Variants in MARCHF8 observed in about 807,000 individuals in gnomAD.
MARCHF8 encodes E3 ubiquitin-protein ligase MARCHF8.
In MARCHF8, 40 loss-of-function variants were observed where a neutral mutation model predicts 51.6. The observed-to-expected ratio is 0.77, with a 90% CI of 0.60 to 1.01. The LOEUF is 1.01. Among genes scored for constraint, MARCHF8 ranks in the 50% least tolerant of loss-of-function variants. The probability of loss-of-function intolerance (pLI) is 0.00; values close to 1 mark genes in which losing one functional copy is unlikely to be tolerated. For synonymous variants in MARCHF8, 263 were observed against 280.3 expected, an observed-to-expected ratio of 0.94 and a Z score of 0.62; for missense variants, 685 against 708.6, an observed-to-expected ratio of 0.97 and a Z score of 0.38.
chr10:45,509,195 TTGA>T (rs2043447137), intron 2 of MARCHF8, among the ~76,000 whole-genome samples: 1 of 152,196 alleles, frequency 6.6e-6, no homozygotes, highest in Admixed American at 6.5e-5. Flanking sequence ...AGCCGATGGG[TTGA>T]TAATACTACT....
At position 45,483,927 on chromosome 10, in the gene MARCHF8, G is replaced by C. The variant is rs529232057; in HGVS notation, c.153+5440C>G. Reference sequence around the variant, plus strand: ...CATGGAGGCAGGAGTGGGGGATAAAGAGAGATTGGTTAATGGGTACAAAAA... The same window carrying C: ...CATGGAGGCAGGAGTGGGGGATAAACAGAGATTGGTTAATGGGTACAAAAA... On this transcript the variant is annotated intron_variant, in intron 3 of 7. Transcript: ENST00000453424. Among the ~76,000 whole-genome samples the C allele has an allele frequency of 2.6e-5, 4 of 152,308 alleles. No individual in the cohort carries two copies. The East Asian group carries it at 7.7e-4, about 29-fold the overall frequency.
At chr10:45,528,492 C>T (rs543575456) in intron 2 of MARCHF8, among the ~76,000 whole-genome samples, 1 of 152,172 alleles carries the variant, frequency 6.6e-6, no homozygotes, top group South Asian at 2.1e-4. Context: ...AACGGTCTCA[C>T]TCTGTTACCC....
chr10:45,578,238 G>A (rs2044511914), intron 1 of MARCHF8, among the ~76,000 whole-genome samples: 1 of 151,976 alleles, frequency 6.6e-6, no homozygotes, highest in South Asian at 2.1e-4. Context: ...TTTGAGGGGT[G>A]GGCCATACAA....
In MARCHF8 at chr10:45,456,039, G is replaced by T. The variant is rs1242304108; in HGVS notation, c.*2200C>A. The T allele has an allele frequency of 6.6e-6, 1 of 152,260 alleles. No individual in the cohort carries two copies. Among genetic ancestry groups the T allele is most frequent in the Non-Finnish European group, 1.5e-5 (1 of 68,050 alleles). 9.4% of individuals were successfully genotyped at this position (152,260 alleles called of 1,614,324 possible). A position where few individuals can be genotyped will look rare whatever the true frequency, so the allele number is the denominator to read the frequency against. On this transcript the variant is annotated 3_prime_UTR_variant, in exon 8 of 8. Transcript: ENST00000453424. ...GTGCTTTTCAAGTTCAGCATAAGGG[G>T]TTCCATATGTGAAGTGGGGATTCAC...
intron 1 of MARCHF8, among the ~76,000 whole-genome samples, chr10:45,587,822 C>A (rs937048763): frequency 1.3e-5 from 2 of 151,902 alleles, no homozygotes; most frequent in Non-Finnish European, 2.9e-5. Flanking sequence ...ACTCAATGGG[C>A]AAAGGATAGA....
intron 7 of MARCHF8, 29 bp downstream of exon 7, chr10:45,459,091 G>A: frequency 6.2e-7 from 1 of 1,613,320 alleles, no homozygotes; most frequent in Non-Finnish European, 8.5e-7. Context: ...CGGCCCCCAT[G>A]CTGAGCTTGC....
In MARCHF8 at chr10:45,568,454, C is replaced by T. The variant is rs556332519; in HGVS notation, c.-79+25781G>A. Among the ~76,000 whole-genome samples, 3 of 152,294 alleles carry T rather than the reference C, an allele frequency of 2.0e-5. No individual in the cohort carries two copies. The South Asian group carries it at 6.2e-4, about 32-fold the overall frequency. On this transcript the variant is annotated intron_variant, in intron 1 of 6. Coordinates refer to the MARCHF8 transcript ENST00000319836. ...ACTAACACTAAGCCAGGTGCAGTGGCTCACACCCGTAATCTCAGCACTTTG... is the reference window on the plus strand; with the variant it reads ...ACTAACACTAAGCCAGGTGCAGTGGTTCACACCCGTAATCTCAGCACTTTG...
chr10:45,540,984 G>A (rs1009384373), intron 1 of MARCHF8, among the ~76,000 whole-genome samples: 10 of 152,218 alleles, frequency 6.6e-5, no homozygotes, highest in Non-Finnish European at 1.3e-4. Flanking sequence ...CAGTAAACTA[G>A]TTCAACCATT....
At position 45,579,740 on chromosome 10, in the gene MARCHF8, G is replaced by A. The variant is rs112866537; in HGVS notation, c.-79+14495C>T. On this transcript the variant is annotated intron_variant, in intron 1 of 6. Transcript: ENST00000319836. ...TAAAAATATCCACACCAGGCCAGGC[G>A]TGGTGGCTCACGCCTATAATCCCAG... Among the ~76,000 whole-genome samples the A allele has an allele frequency of 1.3e-4, 20 of 152,196 alleles. 2 individuals are homozygous for A. The highest frequency in any genetic ancestry group is 3.6e-4 in the African/African-American group (15 of 41,540).
chr10:45,566,849 A>T (rs969051761), intron 1 of MARCHF8, among the ~76,000 whole-genome samples: 3 of 152,072 alleles, frequency 2.0e-5, no homozygotes, highest in Non-Finnish European at 4.4e-5. Context: ...TAGTTTTTTG[A>T]GGAACCTCCA....
intron 1 of MARCHF8, among the ~76,000 whole-genome samples, chr10:45,555,990 T>C (rs1440310904): frequency 2.0e-5 from 3 of 152,270 alleles, no homozygotes; most frequent in Non-Finnish European, 2.9e-5. Context: ...AAAGGAATGA[T>C]GAAATTAGAA....
intron 6 of MARCHF8, among the ~76,000 whole-genome samples, chr10:45,460,365 C>G (rs987209389): frequency 2.6e-5 from 4 of 152,230 alleles, no homozygotes; most frequent in Admixed American, 6.5e-5. Context: ...AAGAACTGCT[C>G]TAAAACCCAA....
At chr10:45,460,505 G>A (rs1842752909) in intron 6 of MARCHF8, among the ~76,000 whole-genome samples, 2 of 152,226 alleles carry the variant, frequency 1.3e-5, no homozygotes. Flanking sequence ...ATTTGATTAT[G>A]TGACTTATCT....
At chr10:45,507,334 A>T (rs997026378) in intron 2 of MARCHF8, among the ~76,000 whole-genome samples, 9 of 152,234 alleles carry the variant, frequency 5.9e-5, no homozygotes, top group Non-Finnish European at 1.3e-4. Context: ...CTATAAAGGA[A>T]TACCTGAGGC....
chr10:45,464,267 T>C lies in MARCHF8; in HGVS notation c.214A>G (p.Ile72Val), dbSNP rs749822208. ...CAGATGTCCTGGCTGGATGGCGTGA[T>C]AGAAGTGCGAGAGAAGGAGGACACC... ...APVSSFSRTS[I>V]TPSSQDICSS... The change falls in exon 4 of 8, where the codon ATC becomes GTC. Residue 72 changes from isoleucine to valine, a missense_variant. Coordinates refer to ENST00000453424, the MANE Select transcript of MARCHF8 (RefSeq NM_001282866.2). The C allele has an allele frequency of 3.7e-6, 6 of 1,614,054 alleles. No individual in the cohort carries two copies. Among genetic ancestry groups the C allele is most frequent in the Non-Finnish European group, 5.1e-6 (6 of 1,180,032 alleles).
At chr10:45,520,103 C>G (rs1469234239) in intron 2 of MARCHF8, among the ~76,000 whole-genome samples, 1 of 152,158 alleles carries the variant, frequency 6.6e-6, no homozygotes, top group Non-Finnish European at 1.5e-5. Context: ...TGATTCTCAG[C>G]TTCCAAATCA....
intron 1 of MARCHF8, among the ~76,000 whole-genome samples, chr10:45,582,849 G>A (rs1005360671): frequency 6.6e-6 from 1 of 152,160 alleles, no homozygotes; most frequent in Non-Finnish European, 1.5e-5. Context: ...GAAAGGAAAT[G>A]TAGTCATAGA....
At chr10:45,502,688 G>A (rs1279850050) in intron 2 of MARCHF8, among the ~76,000 whole-genome samples, 2 of 152,140 alleles carry the variant, frequency 1.3e-5, no homozygotes, top group African/African-American at 2.4e-5. Flanking sequence ...CTAAAACTAA[G>A]TATGTGGTGA....
At chr10:45,488,845 T>A (rs770915141) in intron 3 of MARCHF8, among the ~76,000 whole-genome samples, 1 of 152,150 alleles carries the variant, frequency 6.6e-6, no homozygotes, top group Non-Finnish European at 1.5e-5. Context: ...TATACTCTTT[T>A]GTCTCTTGTC....
Sources: gnomAD v4.1 joint callset for allele counts (sites outside exome capture counted in the v4.1 genomes callset) on GRCh38, gnomAD v4.1.1 for gene constraint, MANE v1.5 for transcripts, NCBI Gene and HGNC (gene_info 2026-07-23, HGNC 2026-07-21) for gene names.